Variants in AP3D1 observed in about 807,000 individuals in gnomAD.
The protein encoded by AP3D1 is AP-3 complex subunit delta-1.
In AP3D1, 51 loss-of-function variants were observed where a neutral mutation model predicts 147.6. The ratio of observed to expected loss-of-function variants is 0.35; its 90% CI spans 0.28 to 0.44. The LOEUF (loss-of-function observed/expected upper bound fraction) is 0.44, where lower values mean the gene tolerates loss of function less well. Ranked by LOEUF, AP3D1 falls within the 20% of genes least tolerant of loss-of-function variation. The pLI is 1.00. For synonymous variants in AP3D1, 760 were observed against 663.0 expected, an observed-to-expected ratio of 1.15 and a Z score of -2.25; for missense variants, 1,421 against 1,624.2, an observed-to-expected ratio of 0.87 and a Z score of 2.15.
chr19:2,120,553 C>T (rs1027918572), intron 14 of AP3D1, among the ~76,000 whole-genome samples: 4 of 152,224 alleles, frequency 2.6e-5, no homozygotes, highest in Non-Finnish European at 5.9e-5. Flanking sequence ...GGCCAGCCCC[C>T]CGTCTGCAGC....
chr19:2,135,783 C>T (rs1401227688), intron 4 of AP3D1, among the ~76,000 whole-genome samples: 6 of 152,246 alleles, frequency 3.9e-5, no homozygotes, highest in East Asian at 3.9e-4. Flanking sequence ...CCGGCCGTGC[C>T]GAGCCCATCA....
intron 31 of AP3D1, among the ~76,000 whole-genome samples, chr19:2,106,588 G>A (rs965163082): frequency 6.6e-6 from 1 of 151,936 alleles, no homozygotes; most frequent in Non-Finnish European, 1.5e-5. Context: ...CTGAAGGCAG[G>A]GACTCCAACA....
intron 6 of AP3D1, among the ~76,000 whole-genome samples, chr19:2,130,114 G>C (rs528653357): frequency 2.0e-5 from 3 of 152,318 alleles, no homozygotes; most frequent in African/African-American, 7.2e-5. Flanking sequence ...CCTGTGGAAG[G>C]TGCCTCCTGG....
Position 2,117,310 on chromosome 19 carries a change from G to A in AP3D1, c.1771C>T (p.Pro591Ser), listed in dbSNP as rs768284398. ...AGAGCGCTGACCTCCTCTGCCACAGGCACGTCCTTGGCCTGAAGCTTCTGG... is the reference window on the plus strand; with the variant it reads ...AGAGCGCTGACCTCCTCTGCCACAGACACGTCCTTGGCCTGAAGCTTCTGG... ...HIQKLQAKDVPVAEEVSALFA... is the reference protein window; with the variant it reads ...HIQKLQAKDVSVAEEVSALFA... The change falls in exon 16 of 32, where the codon CCT becomes TCT. Residue 591 changes from proline (P) to serine (S), a missense_variant. Around this residue, in one of 6 missense-constraint regions of AP3D1, gnomAD observed 310 missense variants for 388.1 expected, o/e 0.80. Coordinates refer to ENST00000643116, the MANE Select transcript of AP3D1 (RefSeq NM_001261826.3). 4 of 1,612,642 alleles carry A rather than the reference G, an allele frequency of 2.5e-6. No homozygotes were observed. The East Asian group carries it at 8.9e-5, about 36-fold the overall frequency.
At chr19:2,131,706 CGGGCGG>C (rs2018952818) in intron 5 of AP3D1, among the ~76,000 whole-genome samples, 4 of 76,000 alleles carry the variant, frequency 5.3e-5, no homozygotes, top group South Asian at 4.0e-4. Context: ...TAGACACCTC[CGGGCGG>C]ACAGGCAGCC....
At chr19:2,113,793 GCA>G (rs1439004654) in intron 22 of AP3D1, among the ~76,000 whole-genome samples, 2 of 152,220 alleles carry the variant, frequency 1.3e-5, no homozygotes, top group African/African-American at 4.8e-5. Flanking sequence ...GTGAAAATCT[GCA>G]CACAGACACT....
At chr19:2,107,653 T>C (rs1568273761) in intron 31 of AP3D1, among the ~76,000 whole-genome samples, 1 of 149,276 alleles carries the variant, frequency 6.7e-6, no homozygotes, top group Admixed American at 6.7e-5. Flanking sequence ...GGCAGGAGAA[T>C]GGCGTGAACC....
intron 31 of AP3D1, among the ~76,000 whole-genome samples, chr19:2,107,811 C>T (rs925622505): frequency 5.9e-5 from 9 of 151,928 alleles, no homozygotes; most frequent in Non-Finnish European, 1.3e-4. Context: ...AGACACAAAC[C>T]GTGACCATCA....
At chr19:2,141,029 G>C (rs1181716343) in intron 1 of AP3D1, among the ~76,000 whole-genome samples, 4 of 152,060 alleles carry the variant, frequency 2.6e-5, no homozygotes, top group South Asian at 2.1e-4. Context: ...AAAGTGCCAG[G>C]ATAACAGGCA....
chr19:2,132,428 C>G, intron 5 of AP3D1, 43 bp downstream of exon 5: 1 of 1,544,868 alleles, frequency 6.5e-7, no homozygotes, highest in Non-Finnish European at 8.9e-7. Context: ...GAGTTTTTCC[C>G]AGAGCAGACA....
intron 1 of AP3D1, among the ~76,000 whole-genome samples, chr19:2,146,707 C>T (rs1279777763): frequency 1.3e-5 from 2 of 152,142 alleles, no homozygotes; most frequent in Non-Finnish European, 2.9e-5. Flanking sequence ...AGAATCCACG[C>T]CCTCTGGTCC....
At chr19:2,135,108 G>A (rs927222496) in intron 4 of AP3D1, among the ~76,000 whole-genome samples, 3 of 152,060 alleles carry the variant, frequency 2.0e-5, no homozygotes, top group African/African-American at 7.2e-5. Flanking sequence ...GGCTGACGCA[G>A]GAGAATTGCT....
rs755030617 is a variant in AP3D1 at position 2,123,377 on chromosome 19, G to T, written c.936C>A (p.Ile312=). The change falls in exon 11 of 32, where the codon ATC becomes ATA. Residue 312 remains isoleucine (I), a synonymous_variant. Transcript: ENST00000643116. ...ACTCACAGTTCTGATCGGAGTCCTCGATCAATATCCTTAATTTCTGAACAC... is the reference window on the plus strand; with the variant it reads ...ACTCACAGTTCTGATCGGAGTCCTCTATCAATATCCTTAATTTCTGAACAC... The part of the protein sequence containing the change: ...QLCVQKLRIL[I]EDSDQNLKYL... The T allele has an allele frequency of 1.6e-5, 26 of 1,613,850 alleles. No individual in the cohort carries two copies. In the South Asian group the frequency reaches 2.3e-4, roughly 14 times the overall value.
At position 2,138,644 on chromosome 19, in the gene AP3D1, G is replaced by A. The variant is rs935169340; in HGVS notation, c.167C>T (p.Ala56Val). ...ELKQDNIAVK[A>V]NAVCKLTYLQ... ...ATACGTCAGCTTGCAGACCGCGTTC[G>A]CCTTCACCGCTATGTTGTCCTGCTT... The change falls in exon 2 of 32, where the codon GCG (alanine) becomes GTG (valine). Residue 56 changes from alanine to valine, a missense_variant. Ala to Val is a moderately conservative substitution (Grantham distance 64, BLOSUM62 0). This residue lies in a region of AP3D1 where 292 missense variants were observed against 412.0 expected (regional missense o/e 0.71). Transcript: ENST00000643116. 6.2e-7 allele frequency: 1 copy of A among 1,613,864 alleles called. No homozygotes were observed. The highest frequency in any genetic ancestry group is 8.5e-7 in the Non-Finnish European group (1 of 1,179,986).
intron 1 of AP3D1, among the ~76,000 whole-genome samples, chr19:2,159,647 C>CAA (rs1030010812): frequency 1.3e-5 from 2 of 151,348 alleles, no homozygotes; most frequent in Non-Finnish European, 2.9e-5. Flanking sequence ...CTCGGCCTTC[C>CAA]AAAGTGCTGG....
chr19:2,127,681 C>T (rs1001591153), intron 8 of AP3D1, among the ~76,000 whole-genome samples: 39 of 152,208 alleles, frequency 2.6e-4, no homozygotes, highest in Admixed American at 1.0e-3. Flanking sequence ...TGCACCACCA[C>T]GCCCGGCTAA....
chr19:2,157,441 CAAAAAAAA>C (rs137939397), intron 1 of AP3D1, among the ~76,000 whole-genome samples: 19 of 101,166 alleles, frequency 1.9e-4, no homozygotes, highest in Non-Finnish European at 2.4e-4. Flanking sequence ...GACTCCGTCT[CAAAAAAAA>C]AAAAAAAAAA....
rs1375997607 is a variant in AP3D1 at position 2,112,870 on chromosome 19, T to A, written c.2777A>T (p.Asp926Val). 1.2e-6 allele frequency: 2 copies of A among 1,611,380 alleles called. No homozygotes were observed. Among genetic ancestry groups the A allele is most frequent in the Non-Finnish European group, 1.7e-6 (2 of 1,178,788 alleles). ...GAGTGACAGCCTCACCTTGTCCTGGTCTTGCCCCTCGGCATCGTCCTCCTC... is the reference window on the plus strand; with the variant it reads ...GAGTGACAGCCTCACCTTGTCCTGGACTTGCCCCTCGGCATCGTCCTCCTC... Reference protein sequence around the residue: ...QGEEDDAEGQDQDKKSPKPKK... With the variant: ...QGEEDDAEGQVQDKKSPKPKK... The change falls in exon 24 of 32, where the codon GAC (aspartate) becomes GTC (valine). Residue 926 changes from aspartate (D) to valine (V), a missense_variant. Physicochemically the swap from Asp to Val is radical, Grantham distance 152. Transcript: ENST00000643116.
intron 31 of AP3D1, among the ~76,000 whole-genome samples, chr19:2,108,143 C>A (rs955792472): frequency 1.3e-5 from 2 of 152,210 alleles, no homozygotes; most frequent in Admixed American, 1.3e-4. Context: ...CACTCTACTG[C>A]ACGTCTGATG....
Sources: gnomAD v4.1 joint callset for allele counts (sites outside exome capture counted in the v4.1 genomes callset) on GRCh38, gnomAD v4.1.1 for gene constraint, gnomAD v4.1.1 regional missense constraint, MANE v1.5 for transcripts, NCBI Gene and HGNC (gene_info 2026-07-23, HGNC 2026-07-21) for gene names.